Variants in ME3 observed in about 807,000 individuals in gnomAD.
ME3 encodes the protein NADP-dependent malic enzyme, mitochondrial.
In ME3, 48 loss-of-function variants were observed where a neutral mutation model predicts 68.9. The observed-to-expected ratio is 0.70, with a 90% CI of 0.55 to 0.89. The LOEUF is 0.89. Ranked by LOEUF, ME3 falls within the 40% of genes least tolerant of loss-of-function variation. The pLI, the probability that ME3 is intolerant of heterozygous loss-of-function variation, is 0.00. For synonymous variants in ME3, 320 were observed against 318.8 expected, an observed-to-expected ratio of 1.00 and a Z score of -0.04; for missense variants, 675 against 797.4, an observed-to-expected ratio of 0.85 and a Z score of 1.85.
chr11:86,646,788 A>G (rs1945046408), intron 2 of ME3, among the ~76,000 whole-genome samples: 1 of 152,220 alleles, frequency 6.6e-6, no homozygotes, highest in Non-Finnish European at 1.5e-5. Context: ...AAAAATGTTA[A>G]GGGCAGCCAG....
intron 7 of ME3, among the ~76,000 whole-genome samples, chr11:86,483,397 T>C (rs1951520885): frequency 6.6e-6 from 1 of 152,166 alleles, no homozygotes; most frequent in African/African-American, 2.4e-5. Context: ...GCTCCAGATA[T>C]CAGAGAGGCC....
At position 86,474,229 on chromosome 11, in the gene ME3, T is replaced by C. The variant is rs112741088; in HGVS notation, c.810-9029A>G. Among the ~76,000 whole-genome samples, 959 of 152,308 alleles carry C rather than the reference T, an allele frequency of 6.3e-3. 12 individuals carry two copies. The highest frequency in any genetic ancestry group is 0.02 in the African/African-American group (843 of 41,570). On this transcript the variant is annotated intron_variant, in intron 7 of 14. Transcript: ENST00000543262. ...TCTGGCCTAAGGGGGAAAACTCCCA[T>C]TGACTCGCAACATAGTCACAGGAAG...
At chr11:86,466,125 G>T (rs1341506120) in intron 7 of ME3, among the ~76,000 whole-genome samples, 1 of 152,164 alleles carries the variant, frequency 6.6e-6, no homozygotes, top group Non-Finnish European at 1.5e-5. Flanking sequence ...AACATTGCCT[G>T]TAAGGAAGCT....
At chr11:86,551,475 G>A (rs1172760840) in intron 4 of ME3, among the ~76,000 whole-genome samples, 1 of 152,160 alleles carries the variant, frequency 6.6e-6, no homozygotes, top group Admixed American at 6.5e-5. Context: ...TTAAGTGAAG[G>A]CCAGAATGAT....
chr11:86,622,318 A>T (rs1343516665), intron 2 of ME3, among the ~76,000 whole-genome samples: 1 of 152,018 alleles, frequency 6.6e-6, no homozygotes, highest in East Asian at 1.9e-4. Context: ...GGAGTCATTT[A>T]AAAATGCATT....
downstream of ME3, chr11:86,437,134 C>T (rs1948902796): frequency 6.6e-6 from 1 of 152,160 alleles, no homozygotes; most frequent in Non-Finnish European, 1.5e-5. Flanking sequence ...CATGTGTACA[C>T]ATTATTTAGT....
intron 4 of ME3, among the ~76,000 whole-genome samples, chr11:86,536,914 A>C (rs1955704010): frequency 6.6e-6 from 1 of 152,200 alleles, no homozygotes; most frequent in Non-Finnish European, 1.5e-5. Flanking sequence ...AGACTGGATT[A>C]AGAAAATGTG....
chr11:86,526,078 C>A (rs1256239145), intron 4 of ME3, among the ~76,000 whole-genome samples: 1 of 152,230 alleles, frequency 6.6e-6, no homozygotes, highest in African/African-American at 2.4e-5. Flanking sequence ...GGCATTGCCT[C>A]ACCCAGGAAG....
chr11:86,580,394 CTTT>C (rs1958372367), intron 2 of ME3, among the ~76,000 whole-genome samples: 1 of 152,102 alleles, frequency 6.6e-6, no homozygotes, highest in African/African-American at 2.4e-5. Flanking sequence ...TTTAAAGTCT[CTTT>C]TTAATTACCA....
chr11:86,568,514 A>C (rs10898499), intron 2 of ME3, among the ~76,000 whole-genome samples: 43,769 of 152,126 alleles, frequency 0.29, 6,703 homozygotes, highest in Middle Eastern at 0.36. Flanking sequence ...TGGTTCAGCT[A>C]CTGAACTCTA....
intron 4 of ME3, among the ~76,000 whole-genome samples, chr11:86,517,641 T>C (rs1280075046): frequency 6.6e-6 from 1 of 152,168 alleles, no homozygotes; most frequent in Non-Finnish European, 1.5e-5. Flanking sequence ...TCAACAGACC[T>C]CTGGCAATGA....
At chr11:86,437,003 C>T (rs1386311483), downstream of ME3, 1 of 152,078 alleles carries the variant, frequency 6.6e-6, no homozygotes, top group Non-Finnish European at 1.5e-5. Context: ...GAAGTATGGA[C>T]TTTTAGTGTA....
At chr11:86,637,764 A>C (rs1266932192) in intron 2 of ME3, among the ~76,000 whole-genome samples, 1 of 152,116 alleles carries the variant, frequency 6.6e-6, no homozygotes, top group Non-Finnish European at 1.5e-5. Flanking sequence ...GTTGATGAAG[A>C]AGTTGAACTG....
At chr11:86,447,075 C>T (rs370767357) in exon 12 of ME3, 50 of 1,613,896 alleles carry the variant, frequency 3.1e-5, no homozygotes, top group Admixed American at 1.8e-4. Context: ...CTCGGTGACC[C>T]GGTAGCACTT....
At chr11:86,486,557 G>A (rs1347773187) in intron 7 of ME3, among the ~76,000 whole-genome samples, 1 of 152,238 alleles carries the variant, frequency 6.6e-6, no homozygotes, top group African/African-American at 2.4e-5. Flanking sequence ...AGGATGGGCA[G>A]GCCATCTCTG....
intron 2 of ME3, among the ~76,000 whole-genome samples, chr11:86,671,462 TA>T (rs1946935673): frequency 6.6e-6 from 1 of 152,226 alleles, no homozygotes; most frequent in African/African-American, 2.4e-5. Flanking sequence ...ATAAAATTAG[TA>T]AGCATCAAGG....
intron 2 of ME3, among the ~76,000 whole-genome samples, chr11:86,658,296 T>A (rs1034074601): frequency 3.9e-5 from 6 of 152,002 alleles, no homozygotes; most frequent in African/African-American, 1.5e-4. Flanking sequence ...CTAATTTTTG[T>A]ATTTTTAGTA....
intron 2 of ME3, among the ~76,000 whole-genome samples, chr11:86,564,968 A>C (rs944775480): frequency 1.3e-5 from 2 of 152,216 alleles, no homozygotes; most frequent in African/African-American, 4.8e-5. Context: ...TAATATCCAG[A>C]ATATACAAAG....
chr11:86,651,162 C>CT (rs1004088295), intron 2 of ME3, among the ~76,000 whole-genome samples: 1 of 152,232 alleles, frequency 6.6e-6, no homozygotes, highest in African/African-American at 2.4e-5. Context: ...GACTCCACTT[C>CT]TGGGGGCAGG....
Sources: allele counts gnomAD v4.1 joint callset (sites outside exome capture counted in the v4.1 genomes callset), GRCh38; gene constraint gnomAD v4.1.1; transcripts MANE v1.5; gene names NCBI Gene and HGNC (gene_info 2026-07-23, HGNC 2026-07-21).